The following REPS1 variants were observed in gnomAD, a reference collection of about 807,000 sequenced individuals.
The protein encoded by REPS1 is ralBP1-associated Eps domain-containing protein 1.
REPS1 carries 39 observed loss-of-function variants against 100.9 expected under a neutral mutation model. That is an observed-to-expected ratio of 0.39 (90% CI 0.30 to 0.50). The LOEUF is 0.50. Ranked by LOEUF, REPS1 falls within the 20% of genes least tolerant of loss-of-function variation. REPS1 has a pLI of 0.86. For synonymous variants in REPS1, 324 were observed against 340.3 expected, an observed-to-expected ratio of 0.95 and a Z score of 0.53; for missense variants, 821 against 968.5, an observed-to-expected ratio of 0.85 and a Z score of 2.02.
At chr6:138,960,370 A>G (rs775680550) in intron 1 of REPS1, among the ~76,000 whole-genome samples, 10 of 152,154 alleles carry the variant, frequency 6.6e-5, no homozygotes, top group Non-Finnish European at 1.2e-4. Flanking sequence ...TTTGTGGGTT[A>G]TATTTATTGA....
intron 19 of REPS1, among the ~76,000 whole-genome samples, chr6:138,906,659 A>G (rs1366217176): frequency 1.3e-5 from 2 of 152,184 alleles, no homozygotes; most frequent in East Asian, 1.9e-4. Flanking sequence ...AACTGCATTC[A>G]TTTTTCATTT....
At chr6:138,947,073 T>TCTCC (rs1554292210) in intron 2 of REPS1, among the ~76,000 whole-genome samples, 1 of 136,044 alleles carries the variant, frequency 7.4e-6, no homozygotes, top group Non-Finnish European at 1.6e-5. Context: ...TCTCTCTCTC[T>TCTCC]CTCCTGTGGC....
intron 1 of REPS1, among the ~76,000 whole-genome samples, chr6:138,966,434 A>G (rs115826686): frequency 0.01 from 1,580 of 152,296 alleles, 21 homozygotes; most frequent in African/African-American, 0.036. Context: ...AATAATGACA[A>G]GCATTAACTG....
At chr6:138,922,673 C>G (rs1780854307) in intron 10 of REPS1, among the ~76,000 whole-genome samples, 1 of 152,192 alleles carries the variant, frequency 6.6e-6, no homozygotes, top group Admixed American at 6.5e-5. Flanking sequence ...GAAACATCAC[C>G]AAGGGGGCCC....
At chr6:138,969,451 A>T (rs1485469858) in intron 1 of REPS1, among the ~76,000 whole-genome samples, 6 of 133,142 alleles carry the variant, frequency 4.5e-5, no homozygotes, top group East Asian at 2.2e-4. Context: ...CAGCTGGCCA[A>T]TTTTTTTTTT....
At chr6:138,966,759 G>A (rs965711950) in intron 1 of REPS1, among the ~76,000 whole-genome samples, 3 of 151,848 alleles carry the variant, frequency 2.0e-5, no homozygotes, top group Non-Finnish European at 4.4e-5. Context: ...GTTTTGATAG[G>A]TGTCATATTT....
intron 19 of REPS1, among the ~76,000 whole-genome samples, chr6:138,906,708 G>A (rs1779675461): frequency 6.6e-6 from 1 of 152,140 alleles, no homozygotes; most frequent in African/African-American, 2.4e-5. Context: ...ATTCCAAGTG[G>A]GGCCAACAGT....
At chr6:138,932,318 C>T (rs1781533612) in intron 8 of REPS1, among the ~76,000 whole-genome samples, 1 of 151,974 alleles carries the variant, frequency 6.6e-6, no homozygotes, top group East Asian at 1.9e-4. Context: ...TAAGAGTCCC[C>T]AAGACTCTTT....
chr6:138,950,858 C>T (rs948298601), intron 1 of REPS1, among the ~76,000 whole-genome samples: 1 of 152,144 alleles, frequency 6.6e-6, no homozygotes, highest in Non-Finnish European at 1.5e-5. Context: ...TATCATTAAG[C>T]ATGATACTGG....
At chr6:138,930,710 C>T (rs930854180) in intron 8 of REPS1, among the ~76,000 whole-genome samples, 2 of 151,966 alleles carry the variant, frequency 1.3e-5, no homozygotes, top group East Asian at 3.9e-4. Flanking sequence ...CTCTACAAAT[C>T]TCCCTTGTTA....
intron 18 of REPS1, 101 bp from the exon 19 acceptor site, chr6:138,907,701 G>T (rs1779751778): frequency 2.7e-6 from 2 of 752,358 alleles, no homozygotes; most frequent in African/African-American, 1.8e-5. Flanking sequence ...GAAGCAAAAA[G>T]AGCATCTTTT....
intron 10 of REPS1, among the ~76,000 whole-genome samples, chr6:138,923,783 T>G (rs148935908): frequency 3.3e-5 from 5 of 152,326 alleles, no homozygotes; most frequent in African/African-American, 9.6e-5. Context: ...CTCTAAATGC[T>G]ACAGACCAGT....
chr6:138,979,198 C>CAA (rs1277794755), intron 1 of REPS1, among the ~76,000 whole-genome samples: 2 of 91,792 alleles, frequency 2.2e-5, no homozygotes, highest in Admixed American at 1.1e-4. Flanking sequence ...AAAAAAAAAA[C>CAA]AAAAAAAAAA....
chr6:138,904,947 C>T lies in REPS1; in HGVS notation c.*117G>A, dbSNP rs1779533652. The stretch of plus-strand genomic sequence containing the variant: ...ACAACGGTGAACATATAGGGCAAAA[C>T]AGAATCATAAAATTTAATGTTGAGT... On this transcript the variant is annotated 3_prime_UTR_variant, in exon 20 of 20. Coordinates refer to ENST00000450536, the MANE Select transcript of REPS1 (RefSeq NM_001286611.2). 3 of 766,526 alleles carry T rather than the reference C, an allele frequency of 3.9e-6. No homozygotes were observed. The highest frequency in any genetic ancestry group is 6.6e-6 in the Non-Finnish European group (3 of 451,248). 47.5% of individuals were successfully genotyped at this position (766,526 alleles called of 1,614,324 possible). A position where few individuals can be genotyped will look rare whatever the true frequency, so the allele number is the denominator to read the frequency against.
chr6:138,951,090 G>A (rs1461588008), intron 1 of REPS1: 2 of 151,352 alleles, frequency 1.3e-5, no homozygotes, highest in Admixed American at 1.3e-4. Context: ...AGGAGGCTGA[G>A]GCAGAAGAAT....
chr6:138,963,250 T>C (rs541006138), intron 1 of REPS1, among the ~76,000 whole-genome samples: 1 of 152,324 alleles, frequency 6.6e-6, no homozygotes, highest in East Asian at 1.9e-4. Context: ...TGATCTTTTC[T>C]TTCTCTGTGC....
chr6:138,973,034 A>G (rs1403739211), intron 1 of REPS1, among the ~76,000 whole-genome samples: 1 of 152,208 alleles, frequency 6.6e-6, no homozygotes, highest in Non-Finnish European at 1.5e-5. Flanking sequence ...AATAAAGGAA[A>G]CAAACAAGGC....
chr6:138,945,112 A>T, intron 4 of REPS1, 107 bp downstream of exon 4: 4 of 954,256 alleles, frequency 4.2e-6, no homozygotes, highest in Non-Finnish European at 5.9e-6. Context: ...ACAAGCCTAT[A>T]ATCCCCACCT....
At chr6:138,981,845 C>CATCAAATG (rs1784971839) in intron 1 of REPS1, among the ~76,000 whole-genome samples, 1 of 152,160 alleles carries the variant, frequency 6.6e-6, no homozygotes, top group Non-Finnish European at 1.5e-5. Flanking sequence ...TGTGTCGCTC[C>CATCAAATG]ATCAAATGTT....
Sources: allele counts gnomAD v4.1 joint callset (sites outside exome capture counted in the v4.1 genomes callset), GRCh38; gene constraint gnomAD v4.1.1; transcripts MANE v1.5; gene names NCBI Gene and HGNC (gene_info 2026-07-23, HGNC 2026-07-21).